SLC22A3: variants seen among roughly 807,000 people sequenced by gnomAD.
SLC22A3 encodes the protein solute carrier family 22 member 3.
Under a neutral mutation model 59.1 loss-of-function variants are expected in SLC22A3, and 51 were observed. That is an observed-to-expected ratio of 0.86 (90% CI 0.69 to 1.09). SLC22A3 has a LOEUF of 1.09. Among genes scored for constraint, SLC22A3 ranks in the 50% least tolerant of loss-of-function variants. The probability of loss-of-function intolerance (pLI) is 0.00; values close to 1 mark genes in which losing one functional copy is unlikely to be tolerated. For synonymous variants in SLC22A3, 325 were observed against 292.0 expected, an observed-to-expected ratio of 1.11 and a Z score of -1.15; for missense variants, 711 against 726.3, an observed-to-expected ratio of 0.98 and a Z score of 0.24.
intron 1 of SLC22A3, chr6:160,349,057 C>T (rs772141604): frequency 3.0e-6 from 3 of 985,454 alleles, no homozygotes; most frequent in Non-Finnish European, 3.6e-6. Flanking sequence ...CTGCCTGAGC[C>T]CGTGAGTTAA....
chr6:160,446,976 T>C (rs773816753), intron 9 of SLC22A3, among the ~76,000 whole-genome samples: 13 of 152,186 alleles, frequency 8.5e-5, no homozygotes, highest in Non-Finnish European at 1.8e-4. Context: ...ACCATGCACA[T>C]TGGCAGATGC....
chr6:160,443,425 G>A (rs1242769820), intron 8 of SLC22A3, among the ~76,000 whole-genome samples: 2 of 152,230 alleles, frequency 1.3e-5, no homozygotes, highest in African/African-American at 2.4e-5. Context: ...CTCCACCCAC[G>A]CTGGAGACTT....
intron 1 of SLC22A3, among the ~76,000 whole-genome samples, chr6:160,377,460 A>G (rs1223398406): frequency 2.0e-5 from 3 of 151,782 alleles, no homozygotes; most frequent in African/African-American, 7.3e-5. Flanking sequence ...ACTCCAGCTG[A>G]TAGAGTGAGA....
At chr6:160,404,895 C>G (rs1206631339) in intron 2 of SLC22A3, among the ~76,000 whole-genome samples, 1 of 146,774 alleles carries the variant, frequency 6.8e-6, no homozygotes, top group East Asian at 2.0e-4. Context: ...AATCTAGACA[C>G]AGACCTTACA....
intron 1 of SLC22A3, among the ~76,000 whole-genome samples, chr6:160,396,003 A>G (rs1366690582): frequency 6.6e-6 from 1 of 152,234 alleles, no homozygotes; most frequent in Non-Finnish European, 1.5e-5. Context: ...ATTTGCAAAG[A>G]TGATCACAGG....
At chr6:160,356,250 C>G (rs552187258) in intron 1 of SLC22A3, among the ~76,000 whole-genome samples, 1 of 152,152 alleles carries the variant, frequency 6.6e-6, no homozygotes, top group Non-Finnish European at 1.5e-5. Flanking sequence ...ACAGGGTGAA[C>G]AATCATCGGC....
chr6:160,360,568 CA>C (rs1784980595), intron 1 of SLC22A3, among the ~76,000 whole-genome samples: 1 of 152,178 alleles, frequency 6.6e-6, no homozygotes, highest in African/African-American at 2.4e-5. Flanking sequence ...AGAACATAAA[CA>C]AACAACAACT....
intron 1 of SLC22A3, among the ~76,000 whole-genome samples, chr6:160,371,930 A>G (rs920028985): frequency 5.3e-5 from 8 of 152,278 alleles, no homozygotes; most frequent in Admixed American, 2.6e-4. Context: ...ATGACCAGTG[A>G]TGACAAGCTT....
intron 2 of SLC22A3, among the ~76,000 whole-genome samples, chr6:160,399,586 C>A (rs1489509177): frequency 6.6e-6 from 1 of 152,164 alleles, no homozygotes; most frequent in Non-Finnish European, 1.5e-5. Context: ...CCATGAATAA[C>A]TCTGCTTCCT....
intron 5 of SLC22A3, among the ~76,000 whole-genome samples, chr6:160,434,124 G>A (rs768163959): frequency 7.0e-4 from 107 of 152,302 alleles, no homozygotes; most frequent in Middle Eastern, 3.4e-3. Context: ...TCATGGCAAC[G>A]AGTTGGTGGT....
intron 1 of SLC22A3, among the ~76,000 whole-genome samples, chr6:160,383,299 A>T (rs1331809956): frequency 6.6e-6 from 1 of 152,178 alleles, no homozygotes; most frequent in Non-Finnish European, 1.5e-5. Flanking sequence ...AAGACTTTTA[A>T]AGGCAGTCTG....
intron 1 of SLC22A3, among the ~76,000 whole-genome samples, chr6:160,385,065 C>G (rs1255457463): frequency 5.3e-5 from 8 of 152,236 alleles, no homozygotes; most frequent in African/African-American, 1.9e-4. Context: ...ATTTTCATCT[C>G]CAATGATTCC....
intron 1 of SLC22A3, among the ~76,000 whole-genome samples, chr6:160,366,546 G>A (rs1345359317): frequency 2.0e-5 from 3 of 152,212 alleles, no homozygotes; most frequent in Admixed American, 6.5e-5. Flanking sequence ...CTGGAGGACA[G>A]TGGCCCTCTT....
chr6:160,436,749 A>G (rs754007813), intron 5 of SLC22A3, 31 bp from the exon 6 acceptor site: 20 of 1,421,784 alleles, frequency 1.4e-5, no homozygotes, highest in Non-Finnish European at 1.8e-5. Context: ...TTTTCTGTCT[A>G]TTGCTACTGA....
intron 5 of SLC22A3, 54 bp downstream of exon 5, chr6:160,410,900 T>G: frequency 9.6e-7 from 1 of 1,043,228 alleles, no homozygotes; most frequent in Non-Finnish European, 1.5e-6. Context: ...GAATTGATTT[T>G]GTTGCTTCTT....
At chr6:160,431,365 C>A (rs1481483339) in intron 5 of SLC22A3, among the ~76,000 whole-genome samples, 2 of 152,224 alleles carry the variant, frequency 1.3e-5, no homozygotes, top group African/African-American at 4.8e-5. Flanking sequence ...CTCTCAAGGC[C>A]TTTGGATGCC....
chr6:160,450,590 A>G (rs1281211797), intron 10 of SLC22A3, among the ~76,000 whole-genome samples: 1 of 152,200 alleles, frequency 6.6e-6, no homozygotes, highest in Admixed American at 6.5e-5. Flanking sequence ...GATGCATAAG[A>G]AATTATAAAA....
intron 1 of SLC22A3, among the ~76,000 whole-genome samples, chr6:160,373,504 G>T (rs1785475695): frequency 6.6e-6 from 1 of 152,292 alleles, no homozygotes; most frequent in East Asian, 1.9e-4. Flanking sequence ...ACTTGAGGAG[G>T]CAGTCTGTCC....
At chr6:160,394,440 G>A (rs1170609543) in intron 1 of SLC22A3, among the ~76,000 whole-genome samples, 1 of 152,212 alleles carries the variant, frequency 6.6e-6, no homozygotes, top group African/African-American at 2.4e-5. Context: ...CAAGCTGAGA[G>A]CTGATTAGGA....
Sources: gnomAD v4.1 joint callset for allele counts (sites outside exome capture counted in the v4.1 genomes callset) on GRCh38, gnomAD v4.1.1 for gene constraint, MANE v1.5 for transcripts, NCBI Gene and HGNC (gene_info 2026-07-23, HGNC 2026-07-21) for gene names.